SLC22A11: variants seen among roughly 807,000 people sequenced by gnomAD.
SLC22A11 encodes the protein organic anion transporter 4.
A neutral mutation model predicts 49.4 loss-of-function variants in SLC22A11; 42 were observed. That is an observed-to-expected ratio of 0.85 (90% CI 0.66 to 1.10). The LOEUF is 1.10. Ranked by LOEUF, SLC22A11 falls within the 50% of genes least tolerant of loss-of-function variation. SLC22A11 has a pLI of 0.00. For missense variants in SLC22A11, 685 were observed against 731.6 expected, an observed-to-expected ratio of 0.94 and a Z score of 0.74; for synonymous variants, 304 against 315.8, an observed-to-expected ratio of 0.96 and a Z score of 0.40.
chr11:64,567,561 C>T (rs749564899), intron 6 of SLC22A11, 38 bp from the exon 7 acceptor site: 14 of 1,595,406 alleles, frequency 8.8e-6, no homozygotes, highest in South Asian at 2.2e-5. Flanking sequence ...GCCCTCTCCC[C>T]GGCAGGGCAG....
At chr11:64,568,630 T>C (rs370446868) in intron 7 of SLC22A11, 40 bp from the exon 8 acceptor site, 2 of 1,562,402 alleles carry the variant, frequency 1.3e-6, no homozygotes, top group African/African-American at 2.7e-5. Context: ...CTGGGTACCC[T>C]CCAGGGCAAA....
At chr11:64,561,977 G>A (rs1412617771) in intron 2 of SLC22A11, 27 bp from the exon 3 acceptor site, 1 of 1,596,246 alleles carries the variant, frequency 6.3e-7, no homozygotes, top group African/African-American at 1.3e-5. Flanking sequence ...CCCTCTCCAG[G>A]CCCCGTGTGC....
intron 1 of SLC22A11, among the ~76,000 whole-genome samples, chr11:64,556,877 C>T (rs1202704040): frequency 1.3e-5 from 2 of 152,102 alleles, no homozygotes; most frequent in Non-Finnish European, 2.9e-5. Context: ...GGGTTCTTTG[C>T]TAAAACTGGA....
In SLC22A11 at chr11:64,568,768, A is replaced by G. The variant is rs890803818; in HGVS notation, c.1372A>G (p.Thr458Ala). The G allele has an allele frequency of 6.2e-7, 1 of 1,613,416 alleles. No individual in the cohort carries two copies. Among genetic ancestry groups the G allele is most frequent in the African/African-American group, 1.3e-5 (1 of 74,778 alleles). ...LTIYKAELFP[T>A]PVRMTADGIL... Reference sequence around the variant, plus strand: ...CATCTACAAGGCTGAACTCTTTCCAACGCCAGTGCGGTAAGCTGGGCTGCA... The same window carrying G: ...CATCTACAAGGCTGAACTCTTTCCAGCGCCAGTGCGGTAAGCTGGGCTGCA... Residue 458 changes from threonine to alanine, a missense_variant, in exon 8 of 10, where the codon ACG becomes GCG. Thr to Ala is a moderately conservative substitution (Grantham distance 58, BLOSUM62 0). Coordinates refer to ENST00000301891, the MANE Select transcript of SLC22A11 (RefSeq NM_018484.4).
At chr11:64,556,455 T>C (rs2038461425) in intron 1 of SLC22A11, 63 bp downstream of exon 1, 3 of 1,574,608 alleles carry the variant, frequency 1.9e-6, no homozygotes, top group Middle Eastern at 1.7e-4. Flanking sequence ...ATGGATCAGG[T>C]TGGTTGGACT....
At position 64,561,171 on chromosome 11, in the gene SLC22A11, G is replaced by A. The variant is rs1380518861; in HGVS notation, c.498-833G>A. On this transcript the variant is annotated intron_variant, in intron 2 of 9. Coordinates refer to ENST00000301891, the MANE Select transcript of SLC22A11 (RefSeq NM_018484.4). ...GAGGCCACCGCAGCCCAGGGCACTCGGGCAGGGGCCGAGGGCTCTGCATCC... is the reference window on the plus strand; with the variant it reads ...GAGGCCACCGCAGCCCAGGGCACTCAGGCAGGGGCCGAGGGCTCTGCATCC... Among the ~76,000 whole-genome samples, 7 of 152,188 alleles carry A rather than the reference G, an allele frequency of 4.6e-5. No homozygotes were observed. The East Asian group carries it at 5.8e-4, about 13-fold the overall frequency.
intron 1 of SLC22A11, among the ~76,000 whole-genome samples, chr11:64,557,165 C>T (rs1247528470): frequency 6.6e-6 from 1 of 152,250 alleles, no homozygotes; most frequent in African/African-American, 2.4e-5. Context: ...AAATGTGTCC[C>T]TGCTGCCACA....
At chr11:64,567,977 T>C (rs940058656) in intron 7 of SLC22A11, among the ~76,000 whole-genome samples, 164 bp downstream of exon 7, 4 of 152,184 alleles carry the variant, frequency 2.6e-5, no homozygotes, top group African/African-American at 9.7e-5. Flanking sequence ...CTGTGTCTCC[T>C]TTTATTGCTG....
chr11:64,565,098 T>C lies in SLC22A11; in HGVS notation c.943-124T>C. On this transcript the variant is annotated intron_variant, in intron 5 of 9. Transcript: ENST00000301891. This position sits in a 1 kb window ranked among gnomAD's most constrained non-coding sequence, Gnocchi z 4.1. ...CTCCCCTTCCCCTAGGGATCCAGCTTCCAGAGGCCGAGGCCCAGGACAGGC... is the reference window on the plus strand; with the variant it reads ...CTCCCCTTCCCCTAGGGATCCAGCTCCCAGAGGCCGAGGCCCAGGACAGGC... The C allele has an allele frequency of 1.4e-6, 1 of 719,574 alleles. No homozygotes were observed. The highest frequency in any genetic ancestry group is 4.0e-4 in the Middle Eastern group (1 of 2,488). 44.6% of individuals were successfully genotyped at this position (719,574 alleles called of 1,614,324 possible).
rs757755278 is a variant in SLC22A11, at chr11:64,565,226, T to G, written c.947T>G (p.Leu316Arg). The change falls in exon 6 of 10, where the codon CTG (leucine) becomes CGG (arginine). Residue 316 changes from leucine (L) to arginine (R), a missense_variant. Transcript: ENST00000301891. The surrounding 1 kb of genome is among the most constrained non-coding windows in gnomAD (Gnocchi z 4.1). ...TGCCCCCATTCTCCCCGGAAGGTGC[T>G]GATGTCCAGCGTGAAGGAGGAGGTG... The part of the protein sequence containing the change: ...KEAKNLTIEV[L>R]MSSVKEEVAS... 6.5e-7 allele frequency: 1 copy of G among 1,538,318 alleles called. No homozygotes were observed.
chr11:64,564,252 C>T lies in SLC22A11; in HGVS notation c.822-56C>T. ...TCCGTGCCCACTGCCCCTTTCCACCCCGCCCCGGGGGAGAGCCCAGCGTGC... is the reference window on the plus strand; with the variant it reads ...TCCGTGCCCACTGCCCCTTTCCACCTCGCCCCGGGGGAGAGCCCAGCGTGC... On this transcript the variant is annotated intron_variant, in intron 4 of 9. Coordinates refer to ENST00000301891, the MANE Select transcript of SLC22A11 (RefSeq NM_018484.4). The surrounding 1 kb of genome is among the most constrained non-coding windows in gnomAD (Gnocchi z 4.2). 3 of 1,605,712 alleles carry T rather than the reference C, an allele frequency of 1.9e-6. No individual in the cohort carries two copies. Among genetic ancestry groups the T allele is most frequent in the South Asian group, 1.1e-5 (1 of 90,034 alleles).
At position 64,556,379 on chromosome 11, in the gene SLC22A11, C is replaced by T. The variant is rs1451612954; in HGVS notation, c.380C>T (p.Thr127Ile). 3 of 1,611,118 alleles carry T rather than the reference C, an allele frequency of 1.9e-6. No homozygotes were observed. The highest frequency in any genetic ancestry group is 2.7e-5 in the African/African-American group (2 of 74,948). The change falls in exon 1 of 10, where the codon ACC (threonine) becomes ATC (isoleucine). Residue 127 changes from threonine (T) to isoleucine (I), a missense_variant. By Grantham distance (89) the Thr-to-Ile change is moderately conservative. Transcript: ENST00000301891. ...WVYDRSVFTS[T>I]IVAKWDLVCS... is the part of the protein sequence containing the mutation. Reference sequence around the variant, plus strand: ...TATGACCGCAGCGTCTTCACCTCCACCATCGTGGCCAAGGTAGGGCCTCCC... The same window carrying T: ...TATGACCGCAGCGTCTTCACCTCCATCATCGTGGCCAAGGTAGGGCCTCCC...
chr11:64,565,082 C>T lies in SLC22A11; in HGVS notation c.943-140C>T, dbSNP rs1234586764. 6 of 647,868 alleles carry T rather than the reference C, an allele frequency of 9.3e-6. No homozygotes were observed. Among genetic ancestry groups the T allele is most frequent in the Non-Finnish European group, 1.3e-5 (5 of 377,654 alleles). 40.1% of individuals were successfully genotyped at this position (647,868 alleles called of 1,614,324 possible). A position where few individuals can be genotyped will look rare whatever the true frequency, so the allele number is the denominator to read the frequency against. ...TTTTCTGCCCCATCCCCTCCCCTTC[C>T]CCTAGGGATCCAGCTTCCAGAGGCC... On this transcript the variant is annotated intron_variant, in intron 5 of 9. Coordinates refer to ENST00000301891, the MANE Select transcript of SLC22A11 (RefSeq NM_018484.4). This position sits in a 1 kb window ranked among gnomAD's most constrained non-coding sequence, Gnocchi z 4.1.
rs1301562425 is a variant in SLC22A11, at chr11:64,556,106, T to C, written c.107T>C (p.Leu36Pro). The C allele has an allele frequency of 6.2e-7, 1 of 1,614,124 alleles. No homozygotes were observed. Among genetic ancestry groups the C allele is most frequent in the South Asian group, 1.1e-5 (1 of 91,080 alleles). ...LPCLMIPSQMLLENFSAAIPG... is the reference protein window; with the variant it reads ...LPCLMIPSQMPLENFSAAIPG... ...TGCCTCATGATACCTTCCCAGATGC[T>C]CCTGGAGAACTTCTCAGCCGCCATC... The change falls in exon 1 of 10, where the codon CTC becomes CCC. Residue 36 changes from leucine to proline, a missense_variant. Leu to Pro is a moderately conservative substitution (Grantham distance 98, BLOSUM62 -3). Transcript: ENST00000301891.
At position 64,572,659 on chromosome 11, in the gene SLC22A11, A is replaced by G. The variant is rs1204087253; in HGVS notation, c.*1617A>G. Reference sequence around the variant, plus strand: ...TGATGTCTACATTGCACTCTGCACAACAGCCACCATGCTTATTAAGAAACG... The same window carrying G: ...TGATGTCTACATTGCACTCTGCACAGCAGCCACCATGCTTATTAAGAAACG... On this transcript the variant is annotated 3_prime_UTR_variant, in exon 10 of 10. Transcript: ENST00000301891. 3 of 152,252 alleles carry G rather than the reference A, an allele frequency of 2.0e-5. No individual in the cohort carries two copies. In the East Asian group the frequency reaches 5.8e-4, roughly 29 times the overall value. 9.4% of individuals were successfully genotyped at this position (152,252 alleles called of 1,614,324 possible).
intron 7 of SLC22A11, 36 bp downstream of exon 7, chr11:64,567,849 T>G (rs1279282691): frequency 1.9e-6 from 3 of 1,538,600 alleles, no homozygotes; most frequent in South Asian, 2.4e-5. Flanking sequence ...GACCGGGCCC[T>G]GCTTCCCCGC....
rs754935845 is a variant in SLC22A11 at position 64,562,217 on chromosome 11, G to T, written c.653-50G>T. On this transcript the variant is annotated intron_variant, in intron 3 of 9. Transcript: ENST00000301891. The surrounding 1 kb of genome is among the most constrained non-coding windows in gnomAD (Gnocchi z 4.4). ...GGGCGGGGGTGGCAGGAGAGAATGG[G>T]GCTCAGGCCGCCGCATGAGGCCTCA... 6.2e-7 allele frequency: 1 copy of T among 1,601,878 alleles called. No individual in the cohort carries two copies. The highest frequency in any genetic ancestry group is 1.7e-5 in the Admixed American group (1 of 59,324).
intron 2 of SLC22A11, among the ~76,000 whole-genome samples, chr11:64,560,172 C>T (rs2038523335): frequency 6.6e-6 from 1 of 151,982 alleles, no homozygotes; most frequent in South Asian, 2.1e-4. Flanking sequence ...CACCCCCACA[C>T]TCACCTGGCT....
rs770472523 is a variant in SLC22A11 at position 64,562,817 on chromosome 11, C to T, written c.821+382C>T. ...GATCCAGGGGCACTGGGCTGAACTT[C>T]GGCCACAGTGGAAGCGGCCGCTCTC... On this transcript the variant is annotated intron_variant, in intron 4 of 9. Transcript: ENST00000301891. The surrounding 1 kb of genome is among the most constrained non-coding windows in gnomAD (Gnocchi z 4.4). 3.3e-5 allele frequency among the ~76,000 whole-genome samples: 5 copies of T among 152,234 alleles called. No homozygotes were observed. The highest frequency in any genetic ancestry group is 7.3e-5 in the Non-Finnish European group (5 of 68,044).
Sources: gnomAD v4.1 joint callset for allele counts (sites outside exome capture counted in the v4.1 genomes callset) on GRCh38, gnomAD v4.1.1 for gene constraint, Gnocchi (gnomAD v3.1) non-coding constraint, MANE v1.5 for transcripts, NCBI Gene and HGNC (gene_info 2026-07-23, HGNC 2026-07-21) for gene names.